The following CWF19L2 variants were observed in gnomAD, a reference collection of about 807,000 sequenced individuals.
CWF19L2 encodes CWF19-like protein 2.
CWF19L2 carries 98 observed loss-of-function variants against 111.7 expected under a neutral mutation model. That is an observed-to-expected ratio of 0.88 (90% confidence interval 0.75 to 1.04). CWF19L2 has a LOEUF of 1.04. CWF19L2 is among the 50% of genes least tolerant of loss of function. CWF19L2 has a pLI of 0.00. For synonymous variants in CWF19L2, 351 were observed against 342.9 expected, an observed-to-expected ratio of 1.02 and a Z score of -0.26; for missense variants, 1,101 against 1,051.4, an observed-to-expected ratio of 1.05 and a Z score of -0.65.
chr11:107,388,508 G>A (rs1277403570), intron 12 of CWF19L2, among the ~76,000 whole-genome samples: 4 of 151,800 alleles, frequency 2.6e-5, no homozygotes, highest in Non-Finnish European at 2.9e-5. Flanking sequence ...TCAACCTCCC[G>A]AGTAGATGGG....
chr11:107,385,171 C>T (rs78457948), intron 12 of CWF19L2, among the ~76,000 whole-genome samples: 143 of 152,190 alleles, frequency 9.4e-4, no homozygotes, highest in Non-Finnish European at 1.8e-3. Flanking sequence ...CAAATTGCTA[C>T]TCTGCTGTAA....
intron 10 of CWF19L2, among the ~76,000 whole-genome samples, chr11:107,396,894 C>T (rs1465726800): frequency 1.3e-5 from 2 of 152,146 alleles, no homozygotes; most frequent in Non-Finnish European, 2.9e-5. Flanking sequence ...GAACATACCC[C>T]CCAACTGGAG....
Position 107,326,890 on chromosome 11 carries a change from T to C in CWF19L2, c.*20A>G. ...AACTGAACGGGATCTGAAGAAAAAT[T>C]TTAAAATGGAAGGTACACCTCAATA... On this transcript the variant is annotated 3_prime_UTR_variant, in exon 18 of 18. Transcript: ENST00000282251. 1 of 1,559,914 alleles carries C rather than the reference T, an allele frequency of 6.4e-7. No homozygotes were observed. The highest frequency in any genetic ancestry group is 1.4e-5 in the African/African-American group (1 of 71,714).
chr11:107,427,613 C>T (rs745695652), intron 8 of CWF19L2, among the ~76,000 whole-genome samples: 1 of 152,096 alleles, frequency 6.6e-6, no homozygotes, highest in African/African-American at 2.4e-5. Context: ...CATCCAAATG[C>T]TAACCCAATC....
Position 107,327,062 on chromosome 11 carries a change from G to C in CWF19L2, c.2542-9C>G. The stretch of plus-strand genomic sequence containing the variant: ...ATCCCACCTATGATTTCCTTTTAAA[G>C]AAAGAGAAAAGCACAAACACAAGCA... On this transcript the variant is annotated splice_polypyrimidine_tract_variant and intron_variant, in intron 17 of 17. Transcript: ENST00000282251. The C allele has an allele frequency of 2.5e-6, 4 of 1,576,540 alleles. No individual in the cohort carries two copies. In the African/African-American group the frequency reaches 4.1e-5, roughly 16 times the overall value.
chr11:107,407,645 G>GTCATTCT (rs5794551), intron 10 of CWF19L2, among the ~76,000 whole-genome samples: 108,229 of 151,390 alleles, frequency 0.71, 39,042 homozygotes, highest in Non-Finnish European at 0.77. Flanking sequence ...CTGCTGCTGG[G>GTCATTCT]TCCCTCTCTA....
chr11:107,353,775 A>G (rs554551227), intron 12 of CWF19L2, 39 bp from the exon 13 acceptor site: 2 of 1,536,296 alleles, frequency 1.3e-6, no homozygotes, highest in Admixed American at 3.4e-5. Flanking sequence ...AGTAGAAGGT[A>G]GTGATTAAGA....
At chr11:107,391,776 C>A (rs1860851098) in intron 11 of CWF19L2, among the ~76,000 whole-genome samples, 3 of 152,232 alleles carry the variant, frequency 2.0e-5, no homozygotes, top group Non-Finnish European at 1.5e-5. Context: ...TTATTCTTTT[C>A]TTTACTAGCT....
At chr11:107,415,063 A>G (rs1044467407) in intron 10 of CWF19L2, among the ~76,000 whole-genome samples, 5 of 152,134 alleles carry the variant, frequency 3.3e-5, no homozygotes, top group Admixed American at 2.6e-4. Flanking sequence ...CCTCCTTACC[A>G]TGACTTTCAA....
chr11:107,418,373 A>T, intron 8 of CWF19L2, 86 bp from the exon 9 acceptor site: 1 of 837,828 alleles, frequency 1.2e-6, no homozygotes, highest in Non-Finnish European at 2.1e-6. Flanking sequence ...ATTTTAACTG[A>T]CCTCAACAAA....
At chr11:107,342,665 T>C (rs1026499425) in intron 14 of CWF19L2, among the ~76,000 whole-genome samples, 5 of 152,144 alleles carry the variant, frequency 3.3e-5, no homozygotes, top group African/African-American at 9.7e-5. Context: ...CTGATGGTTA[T>C]AGCAGGCTGA....
intron 13 of CWF19L2, among the ~76,000 whole-genome samples, chr11:107,350,334 C>T (rs1860139411): frequency 6.6e-6 from 1 of 152,004 alleles, no homozygotes; most frequent in Non-Finnish European, 1.5e-5. Context: ...CTGTGTGCCT[C>T]CAAAATATAC....
chr11:107,361,991 G>T (rs1252432134), intron 12 of CWF19L2, among the ~76,000 whole-genome samples: 1 of 152,206 alleles, frequency 6.6e-6, no homozygotes, highest in Non-Finnish European at 1.5e-5. Context: ...CCGAAGCAGG[G>T]CGAGGCATTG....
chr11:107,451,401 G>A (rs575334796), intron 3 of CWF19L2, among the ~76,000 whole-genome samples: 1 of 151,988 alleles, frequency 6.6e-6, no homozygotes, highest in Admixed American at 6.6e-5. Flanking sequence ...TAGAAAGTTA[G>A]AAAAAGAAGA....
chr11:107,420,516 T>G (rs1256512228), intron 8 of CWF19L2, among the ~76,000 whole-genome samples: 1 of 152,016 alleles, frequency 6.6e-6, no homozygotes, highest in Non-Finnish European at 1.5e-5. Flanking sequence ...AAATCCACAA[T>G]TATAGCTATA....
At position 107,374,327 on chromosome 11, in the gene CWF19L2, C is replaced by A. The variant is rs1190385698; in HGVS notation, c.1872+15747G>T. On this transcript the variant is annotated intron_variant, in intron 12 of 17. Coordinates refer to ENST00000282251, the MANE Select transcript of CWF19L2 (RefSeq NM_152434.3). The stretch of plus-strand genomic sequence containing the variant: ...CCAAGACACATAATTGTCAGATTCA[C>A]CAAAGTTGAAATGAAGGAAAAAATG... Among the ~76,000 whole-genome samples the A allele has an allele frequency of 2.6e-4, 34 of 130,706 alleles. 9 individuals carry two copies. The highest frequency in any genetic ancestry group is 1.1e-3 in the African/African-American group (34 of 30,718). The allele number at this position is 130,706 out of a possible 152,430, so 85.7% of individuals were successfully genotyped here.
chr11:107,378,195 G>T (rs944599789), intron 12 of CWF19L2, among the ~76,000 whole-genome samples: 7 of 149,822 alleles, frequency 4.7e-5, no homozygotes, highest in African/African-American at 1.8e-4. Context: ...CAACCATTGT[G>T]GAAGTCAGTG....
intron 16 of CWF19L2, among the ~76,000 whole-genome samples, chr11:107,332,548 GAAAA>G (rs995470986): frequency 1.4e-5 from 2 of 140,676 alleles, no homozygotes; most frequent in African/African-American, 5.2e-5. Flanking sequence ...TTTACACAGT[GAAAA>G]AAAAAAACCA....
intron 9 of CWF19L2, 57 bp downstream of exon 9, chr11:107,418,137 T>C (rs984177634): frequency 9.5e-7 from 1 of 1,052,396 alleles, no homozygotes; most frequent in Non-Finnish European, 1.5e-6. Flanking sequence ...CTAAAATTAC[T>C]CATAAGAAGT....
Sources: allele counts gnomAD v4.1 joint callset (sites outside exome capture counted in the v4.1 genomes callset), GRCh38; gene constraint gnomAD v4.1.1; transcripts MANE v1.5; gene names NCBI Gene and HGNC (gene_info 2026-07-23, HGNC 2026-07-21).